The following NRXN3 variants were observed in gnomAD, a reference collection of about 807,000 sequenced individuals.
The protein encoded by NRXN3 is neurexin 3.
NRXN3 carries 32 observed loss-of-function variants against 137.6 expected under a neutral mutation model. The ratio of observed to expected loss-of-function variants is 0.23; its 90% CI spans 0.18 to 0.31. NRXN3 has a LOEUF of 0.31. Among genes scored for constraint, NRXN3 ranks in the 10% least tolerant of loss-of-function variants. The pLI is 1.00. For missense variants in NRXN3, 1,574 were observed against 2,062.5 expected, an observed-to-expected ratio of 0.76 and a Z score of 4.59; for synonymous variants, 798 against 784.5, an observed-to-expected ratio of 1.02 and a Z score of -0.29.
intron 20 of NRXN3, among the ~76,000 whole-genome samples, chr14:79,857,897 A>G (rs1038402286): frequency 6.6e-6 from 1 of 152,192 alleles, no homozygotes; most frequent in African/African-American, 2.4e-5. Flanking sequence ...GATTTTCCCA[A>G]CAGAGGGTAT....
intron 10 of NRXN3, among the ~76,000 whole-genome samples, chr14:78,951,371 G>C (rs11159388): frequency 6.6e-6 from 1 of 151,830 alleles, no homozygotes. Context: ...TGCATGATTG[G>C]CTCCTTCCTA....
At chr14:78,741,562 C>G (rs1233530040) in intron 8 of NRXN3, among the ~76,000 whole-genome samples, 1 of 152,184 alleles carries the variant, frequency 6.6e-6, no homozygotes, top group Admixed American at 6.5e-5. Context: ...TTAATGCATA[C>G]AACTTGATGA....
chr14:79,475,080 C>T (rs962239327), intron 16 of NRXN3, among the ~76,000 whole-genome samples: 6 of 152,100 alleles, frequency 3.9e-5, no homozygotes, highest in Admixed American at 3.9e-4. Context: ...AATGGAGGTA[C>T]AGCCAGACTG....
intron 1 of NRXN3, among the ~76,000 whole-genome samples, chr14:78,213,854 C>T (rs1024898464): frequency 2.6e-5 from 4 of 152,142 alleles, no homozygotes; most frequent in African/African-American, 7.2e-5. Flanking sequence ...TTTCCAGACC[C>T]GGGGACAGCT....
intron 15 of NRXN3, among the ~76,000 whole-genome samples, chr14:79,152,316 T>C (rs557549528): frequency 1.3e-5 from 2 of 152,148 alleles, no homozygotes; most frequent in East Asian, 3.9e-4. Flanking sequence ...GCAGAATAGG[T>C]GCATAGTATT....
intron 10 of NRXN3, among the ~76,000 whole-genome samples, chr14:78,936,445 T>C (rs2099339060): frequency 6.6e-6 from 1 of 152,158 alleles, no homozygotes; most frequent in Non-Finnish European, 1.5e-5. Context: ...AGAGTACATA[T>C]TGTATGGTTA....
chr14:78,512,500 A>G (rs2096127772), intron 4 of NRXN3, among the ~76,000 whole-genome samples: 1 of 152,188 alleles, frequency 6.6e-6, no homozygotes, highest in South Asian at 2.1e-4. Flanking sequence ...ACCCAGACAG[A>G]AAGGGAAGTA....
chr14:79,751,362 GCTCT>G (rs926443955), intron 19 of NRXN3, among the ~76,000 whole-genome samples: 2 of 151,708 alleles, frequency 1.3e-5, no homozygotes, highest in African/African-American at 2.4e-5. Context: ...TCATGATTTG[GCTCT>G]CTGTTTGTCT....
chr14:78,524,930 A>G (rs1484486396), intron 4 of NRXN3, among the ~76,000 whole-genome samples: 3 of 152,196 alleles, frequency 2.0e-5, no homozygotes, highest in East Asian at 1.9e-4. Context: ...GATGATTCCA[A>G]TAAGTGCCTT....
At chr14:79,117,497 G>T (rs900768281) in intron 15 of NRXN3, among the ~76,000 whole-genome samples, 1 of 152,114 alleles carries the variant, frequency 6.6e-6, no homozygotes, top group Non-Finnish European at 1.5e-5. Flanking sequence ...ATGATCACTA[G>T]CTGTCCCTAA....
intron 9 of NRXN3, among the ~76,000 whole-genome samples, chr14:78,808,448 G>C (rs2098890596): frequency 6.6e-6 from 1 of 152,256 alleles, no homozygotes; most frequent in South Asian, 2.1e-4. Flanking sequence ...CCATACACCA[G>C]TTTCCTCTCT....
At chr14:79,394,850 G>T (rs1285382448) in intron 15 of NRXN3, among the ~76,000 whole-genome samples, 1 of 152,156 alleles carries the variant, frequency 6.6e-6, no homozygotes, top group Non-Finnish European at 1.5e-5. Flanking sequence ...GAGATTCAGT[G>T]ACGATAACTG....
At chr14:78,515,703 G>A (rs143093043) in intron 4 of NRXN3, among the ~76,000 whole-genome samples, 40 of 152,160 alleles carry the variant, frequency 2.6e-4, no homozygotes, top group African/African-American at 8.9e-4. Context: ...CACTGGGGCC[G>A]AGATGACGAG....
chr14:79,134,893 T>C (rs914638353), intron 15 of NRXN3, among the ~76,000 whole-genome samples: 7 of 152,206 alleles, frequency 4.6e-5, no homozygotes, highest in African/African-American at 1.7e-4. Context: ...ATATTTTGTA[T>C]GTATGTGAAA....
chr14:78,426,297 T>C (rs1331685364), intron 4 of NRXN3, among the ~76,000 whole-genome samples: 1 of 152,188 alleles, frequency 6.6e-6, no homozygotes, highest in Non-Finnish European at 1.5e-5. Flanking sequence ...GACACTTGCA[T>C]TGGCTTCTTC....
intron 19 of NRXN3, among the ~76,000 whole-genome samples, chr14:79,790,336 T>A (rs1283612262): frequency 6.6e-6 from 1 of 151,534 alleles, no homozygotes; most frequent in African/African-American, 2.4e-5. Context: ...ACCCTTTTTT[T>A]TATTATTTAA....
intron 6 of NRXN3, among the ~76,000 whole-genome samples, chr14:78,652,163 T>C (rs2097751535): frequency 6.6e-6 from 1 of 152,242 alleles, no homozygotes; most frequent in African/African-American, 2.4e-5. Flanking sequence ...CTAAGCCTGG[T>C]GTTCCCAAGG....
intron 15 of NRXN3, among the ~76,000 whole-genome samples, chr14:79,397,270 A>G (rs1168328104): frequency 1.3e-5 from 2 of 152,096 alleles, no homozygotes; most frequent in Non-Finnish European, 2.9e-5. Flanking sequence ...CCTTTATACC[A>G]CTGCACTGAC....
rs186053653 is a variant in NRXN3 at position 78,772,243 on chromosome 14, G to A, written c.2045-31377G>A. ...AAGTGACACTGGTTTCAATGAAAAT[G>A]TATGTAAATGAAAAGAAGTGAAGCA... On this transcript the variant is annotated intron_variant, in intron 8 of 20. Coordinates refer to ENST00000335750, the MANE Select transcript of NRXN3 (RefSeq NM_001330195.2). Among the ~76,000 whole-genome samples the A allele has an allele frequency of 9.2e-5, 14 of 152,268 alleles. No homozygotes were observed. The East Asian group carries it at 2.5e-3, about 27-fold the overall frequency.
Sources: allele counts gnomAD v4.1 joint callset (sites outside exome capture counted in the v4.1 genomes callset), GRCh38; gene constraint gnomAD v4.1.1; transcripts MANE v1.5; gene names NCBI Gene and HGNC (gene_info 2026-07-23, HGNC 2026-07-21).